Variants in EDA observed in about 807,000 individuals in gnomAD.
EDA encodes ectodysplasin-A.
Under a neutral mutation model 23.6 loss-of-function variants are expected in EDA, and 2 were observed. The ratio of observed to expected loss-of-function variants is 0.08; its 90% CI spans 0.03 to 0.27. The LOEUF (loss-of-function observed/expected upper bound fraction) is 0.27. EDA is among the 10% of genes least tolerant of loss of function. EDA has a pLI of 1.00. For missense variants in EDA, 229 were observed against 324.2 expected (o/e 0.71, Z 2.26); for synonymous variants, 131 against 132.0 (o/e 0.99, Z 0.05).
chrX:69,670,183 GTTTTTTTT>G, intron 1 of EDA: 2 of 236,434 alleles, frequency 8.5e-6, no homozygotes, highest in African/African-American at 4.3e-5. Flanking sequence ...TTGGCTGACT[GTTTTTTTT>G]TTTTTTTTTT....
chrX:69,685,418 C>A (rs1289155687), intron 1 of EDA, among the ~76,000 whole-genome samples: 1 of 110,938 alleles, frequency 9.0e-6, no homozygotes. Flanking sequence ...AATATCTGGG[C>A]CTTTATGATA....
At chrX:70,022,423 A>G (rs2020047891) in intron 2 of EDA, among the ~76,000 whole-genome samples, 1 of 108,799 alleles carries the variant, frequency 9.2e-6, no homozygotes, top group Non-Finnish European at 1.9e-5. Flanking sequence ...TGCAAGCTCC[A>G]CCTCCCAGGT....
At chrX:69,752,844 A>G (rs2013940700) in intron 1 of EDA, among the ~76,000 whole-genome samples, 1 of 111,210 alleles carries the variant, frequency 9.0e-6, no homozygotes, top group South Asian at 3.8e-4. Context: ...TTTCTTCTAG[A>G]TTTTCTAGTT....
intron 1 of EDA, among the ~76,000 whole-genome samples, chrX:69,783,594 A>G (rs1260737429): frequency 1.8e-5 from 2 of 111,052 alleles, no homozygotes; most frequent in African/African-American, 6.6e-5. Context: ...AATTTCATCC[A>G]TGTCCCTACA....
Position 70,018,214 on chromosome X carries a change from G to A in EDA, c.503-5004G>A, listed in dbSNP as rs758569916. Among the ~76,000 whole-genome samples, 10 of 111,490 alleles carry A rather than the reference G, an allele frequency of 9.0e-5. No individual in the cohort carries two copies. The South Asian group carries it at 3.4e-3, about 38-fold the overall frequency. ...GAAATCAGAGATGACACAAACAAAT[G>A]GAAAAAACATTCCATGTTTATGCGT... On this transcript the variant is annotated intron_variant, in intron 2 of 7. Transcript: ENST00000374552.
At position 69,882,903 on chromosome X, in the gene EDA, T is replaced by C. The variant is rs367940156; in HGVS notation, c.397-74124T>C. ...TTTTAGTAGAGACGGGGTTTCTCCATGTTGGTCAGGCTGGTCTCGAACTCC... is the reference window on the plus strand; with the variant it reads ...TTTTAGTAGAGACGGGGTTTCTCCACGTTGGTCAGGCTGGTCTCGAACTCC... On this transcript the variant is annotated intron_variant, in intron 1 of 7. Transcript: ENST00000374552. Among the ~76,000 whole-genome samples, 7 of 111,462 alleles carry C rather than the reference T, an allele frequency of 6.3e-5. No homozygotes were observed. The East Asian group carries it at 2.0e-3, about 32-fold the overall frequency.
intron 1 of EDA, among the ~76,000 whole-genome samples, chrX:69,898,675 C>T (rs2018055373): frequency 8.9e-6 from 1 of 111,842 alleles, no homozygotes; most frequent in Admixed American, 9.5e-5. Flanking sequence ...TTCCTGATAT[C>T]TGAATATGTT....
At chrX:69,865,213 T>TA (rs2017465608) in intron 1 of EDA, among the ~76,000 whole-genome samples, 1 of 110,067 alleles carries the variant, frequency 9.1e-6, no homozygotes, top group Non-Finnish European at 1.9e-5. Flanking sequence ...AAAAAGAATT[T>TA]AAAAAATGAA....
At chrX:69,802,866 C>T (rs1360570278) in intron 1 of EDA, among the ~76,000 whole-genome samples, 1 of 111,816 alleles carries the variant, frequency 8.9e-6, no homozygotes, top group Non-Finnish European at 1.9e-5. Flanking sequence ...ATGTCAAAAA[C>T]CTTGACCACA....
chrX:69,979,942 GTTTCTAT>G (rs1430666073), intron 2 of EDA, among the ~76,000 whole-genome samples: 1 of 110,115 alleles, frequency 9.1e-6, no homozygotes, highest in African/African-American at 3.3e-5. Flanking sequence ...ATTTTTTAGT[GTTTCTAT>G]TTTCTATTTT....
At chrX:70,003,683 A>G (rs1016919006) in intron 2 of EDA, among the ~76,000 whole-genome samples, 6 of 112,315 alleles carry the variant, frequency 5.3e-5, no homozygotes, top group African/African-American at 1.6e-4. Flanking sequence ...AGAGATAGGT[A>G]TTTCTTTAAA....
intron 1 of EDA, among the ~76,000 whole-genome samples, chrX:69,951,237 C>T (rs2018921934): frequency 9.0e-6 from 1 of 111,355 alleles, no homozygotes; most frequent in African/African-American, 3.3e-5. Flanking sequence ...GCCCTTCTGC[C>T]TTCCATCATG....
intron 1 of EDA, among the ~76,000 whole-genome samples, chrX:69,756,551 A>C (rs1424687295): frequency 1.8e-5 from 2 of 111,733 alleles, no homozygotes; most frequent in East Asian, 2.8e-4. Flanking sequence ...CTGTAGGTTC[A>C]ACTCTACCTA....
intron 1 of EDA, among the ~76,000 whole-genome samples, chrX:69,681,815 C>T (rs1018306507): frequency 2.2e-4 from 25 of 111,718 alleles, no homozygotes; most frequent in African/African-American, 7.8e-4. Flanking sequence ...GCCTTCTTCT[C>T]TCAGCTCGTC....
At chrX:69,823,481 T>C (rs1415675776) in intron 1 of EDA, among the ~76,000 whole-genome samples, 1 of 84,414 alleles carries the variant, frequency 1.2e-5, no homozygotes, top group African/African-American at 5.0e-5. Context: ...GTTTTTTGGC[T>C]GCATAAATGT....
At chrX:69,688,119 G>T (rs991323489) in intron 1 of EDA, among the ~76,000 whole-genome samples, 1 of 111,746 alleles carries the variant, frequency 8.9e-6, no homozygotes, top group Non-Finnish European at 1.9e-5. Context: ...CTGGACAAAG[G>T]TAATTTTCTT....
chrX:69,909,202 T>C (rs758018307), intron 1 of EDA, among the ~76,000 whole-genome samples: 5 of 112,075 alleles, frequency 4.5e-5, no homozygotes, highest in Admixed American at 1.9e-4. Flanking sequence ...TTTAAAGGCA[T>C]ATTCAATTAG....
At chrX:69,788,324 A>C (rs1389779859) in intron 1 of EDA, among the ~76,000 whole-genome samples, 1 of 112,262 alleles carries the variant, frequency 8.9e-6, no homozygotes, top group Admixed American at 9.4e-5. Context: ...GCTTTGTTCC[A>C]TTGCTAGTGA....
intron 1 of EDA, among the ~76,000 whole-genome samples, chrX:69,934,163 G>A (rs765662727): frequency 1.9e-4 from 21 of 111,864 alleles, no homozygotes; most frequent in Non-Finnish European, 3.6e-4. Context: ...TATACTGGGG[G>A]ACCTCTAAAT....
Sources: gnomAD v4.1 joint callset for allele counts (sites outside exome capture counted in the v4.1 genomes callset) on GRCh38, gnomAD v4.1.1 for gene constraint, MANE v1.5 for transcripts, NCBI Gene and HGNC (gene_info 2026-07-23, HGNC 2026-07-21) for gene names.